The following MAP3K1 variants were observed in gnomAD, a reference collection of about 807,000 sequenced individuals.
MAP3K1 encodes mitogen-activated protein kinase kinase kinase 1.
Under a neutral mutation model 144.2 loss-of-function variants are expected in MAP3K1, and 36 were observed. The ratio of observed to expected loss-of-function variants is 0.25; its 90% CI spans 0.19 to 0.33. The LOEUF is 0.33. Among genes scored for constraint, MAP3K1 ranks in the 10% least tolerant of loss-of-function variants. The probability of loss-of-function intolerance (pLI) is 1.00; values close to 1 mark genes in which losing one functional copy is unlikely to be tolerated. For synonymous variants in MAP3K1, 718 were observed against 688.7 expected (o/e 1.04, Z -0.67); for missense variants, 1,650 against 1,881.9 (o/e 0.88, Z 2.28).
chr5:56,840,428 A>G (rs922778111), intron 1 of MAP3K1, among the ~76,000 whole-genome samples: 1 of 152,144 alleles, frequency 6.6e-6, no homozygotes, highest in Non-Finnish European at 1.5e-5. Flanking sequence ...GATTACAGGC[A>G]TGAGCCACTG....
intron 1 of MAP3K1, among the ~76,000 whole-genome samples, chr5:56,817,987 T>C (rs1746031251): frequency 6.6e-6 from 1 of 152,214 alleles, no homozygotes; most frequent in African/African-American, 2.4e-5. Context: ...TTGCTTAAGG[T>C]GTAGATTATA....
At chr5:56,840,250 C>A (rs1183246477) in intron 1 of MAP3K1, among the ~76,000 whole-genome samples, 1 of 152,182 alleles carries the variant, frequency 6.6e-6, no homozygotes, top group Non-Finnish European at 1.5e-5. Context: ...CAAGTTCAAA[C>A]GATTCTCCTG....
chr5:56,837,428 C>CA (rs1348034221), intron 1 of MAP3K1, among the ~76,000 whole-genome samples: 1 of 151,990 alleles, frequency 6.6e-6, no homozygotes, highest in African/African-American at 2.4e-5. Flanking sequence ...TCATTTTTCC[C>CA]AAGAGTGGTG....
At chr5:56,865,000 C>A in intron 4 of MAP3K1, 66 bp downstream of exon 4, 1 of 1,360,304 alleles carries the variant, frequency 7.4e-7, no homozygotes, top group Non-Finnish European at 1.0e-6. Context: ...AATTTATATA[C>A]TATAATGTTC....
In MAP3K1 at chr5:56,893,702, A is replaced by T; in HGVS notation, c.*22A>T. 1 of 1,613,148 alleles carries T rather than the reference A, an allele frequency of 6.2e-7. No homozygotes were observed. The highest frequency in any genetic ancestry group is 8.5e-7 in the Non-Finnish European group (1 of 1,179,390). ...GTAGCCAATTATGCAGATCAACTAC[A>T]GTAGAAACAGGATGCTCAACAAGAG... is the stretch of plus-strand genomic sequence containing the variant. On this transcript the variant is annotated 3_prime_UTR_variant, in exon 20 of 20. Transcript: ENST00000399503.
chr5:56,819,448 AC>A lies in MAP3K1; in HGVS notation c.482+3395del, dbSNP rs559230125. 2.6e-3 allele frequency among the ~76,000 whole-genome samples: 379 copies of A among 148,514 alleles called. 3 individuals carry two copies. Among genetic ancestry groups the A allele is most frequent in the African/African-American group, 9.1e-3 (369 of 40,458 alleles). On this transcript the variant is annotated intron_variant, in intron 1 of 19. Coordinates refer to ENST00000399503, the MANE Select transcript of MAP3K1 (RefSeq NM_005921.2). ...TGCTTTCAACAAGAGCAAAAAAAAAACCAGCTACAGCTTGCCTAGGCTGAGT... is the reference window on the plus strand; with the variant it reads ...TGCTTTCAACAAGAGCAAAAAAAAAACAGCTACAGCTTGCCTAGGCTGAGT...
intron 1 of MAP3K1, among the ~76,000 whole-genome samples, chr5:56,844,197 T>TTG (rs1561174148): frequency 1.4e-5 from 2 of 138,420 alleles, no homozygotes; most frequent in Non-Finnish European, 3.1e-5. Flanking sequence ...TTTTTTTTTT[T>TTG]TTTTTTTTTT....
intron 19 of MAP3K1, among the ~76,000 whole-genome samples, chr5:56,891,163 A>C (rs867023188): frequency 4.4e-4 from 62 of 140,500 alleles, no homozygotes; most frequent in African/African-American, 1.5e-3. Flanking sequence ...CCCCCCCCAC[A>C]CACACACACA....
At chr5:56,879,843 G>A (rs1748153287) in intron 11 of MAP3K1, among the ~76,000 whole-genome samples, 1 of 152,160 alleles carries the variant, frequency 6.6e-6, no homozygotes, top group Non-Finnish European at 1.5e-5. Context: ...ATCTTGGTTA[G>A]CAAGAAGTGT....
At chr5:56,874,377 A>G (rs1245850878) in intron 9 of MAP3K1, among the ~76,000 whole-genome samples, 1 of 152,184 alleles carries the variant, frequency 6.6e-6, no homozygotes, top group Non-Finnish European at 1.5e-5. Flanking sequence ...ATTGACGACG[A>G]TAACAGCATA....
intron 1 of MAP3K1, among the ~76,000 whole-genome samples, chr5:56,844,194 T>G (rs1318603445): frequency 7.3e-6 from 1 of 136,266 alleles, no homozygotes; most frequent in Non-Finnish European, 1.6e-5. Context: ...TTTTTTTTTT[T>G]TTTTTTTTTT....
At chr5:56,853,471 C>G (rs1029967330) in intron 1 of MAP3K1, among the ~76,000 whole-genome samples, 1 of 152,106 alleles carries the variant, frequency 6.6e-6, no homozygotes, top group African/African-American at 2.4e-5. Context: ...AGTGATCATT[C>G]ACTTAATATA....
Position 56,857,235 on chromosome 5 carries a change from G to T in MAP3K1, c.633+485G>T, listed in dbSNP as rs377379777. ...TCCAACTTTGTTACAGTGTCAGCAT[G>T]TTATCCTCATTTGACATGAAAAAAT... is the stretch of plus-strand genomic sequence containing the variant. On this transcript the variant is annotated intron_variant, in intron 2 of 19. Coordinates refer to ENST00000399503, the MANE Select transcript of MAP3K1 (RefSeq NM_005921.2). Among the ~76,000 whole-genome samples, 32 of 152,198 alleles carry T rather than the reference G, an allele frequency of 2.1e-4. No homozygotes were observed. The East Asian group carries it at 2.7e-3, about 13-fold the overall frequency.
At chr5:56,890,710 A>G (rs535179732) in intron 19 of MAP3K1, among the ~76,000 whole-genome samples, 49 of 152,262 alleles carry the variant, frequency 3.2e-4, no homozygotes, top group African/African-American at 1.1e-3. Context: ...TTGATTTACA[A>G]AGTGCTACAA....
In MAP3K1 at chr5:56,882,399, C is replaced by G; in HGVS notation, c.3199C>G (p.Pro1067Ala). ...CAGGCCAAAGCCATCTAGACCTACC[C>G]CAGGTAATACAAGTAAACAGGGAGA... ...IHRPKPSRPTPGNTSKQGDPS... is the reference protein window; with the variant it reads ...IHRPKPSRPTAGNTSKQGDPS... The change falls in exon 14 of 20, where the codon CCA (proline) becomes GCA (alanine). Residue 1067 changes from proline (P) to alanine (A), a missense_variant. Physicochemically the swap from Pro to Ala is conservative, Grantham distance 27. Around this residue, in one of 6 missense-constraint regions of MAP3K1, gnomAD observed 841 missense variants for 886.5 expected, o/e 0.95. Coordinates refer to ENST00000399503, the MANE Select transcript of MAP3K1 (RefSeq NM_005921.2). 1.2e-6 allele frequency: 2 copies of G among 1,614,064 alleles called. No individual in the cohort carries two copies. Among genetic ancestry groups the G allele is most frequent in the Non-Finnish European group, 1.7e-6 (2 of 1,179,952 alleles).
chr5:56,817,694 A>G (rs142410978), intron 1 of MAP3K1, among the ~76,000 whole-genome samples: 20 of 152,356 alleles, frequency 1.3e-4, no homozygotes, highest in African/African-American at 4.3e-4. Context: ...TCTACTTTAA[A>G]TGAATTCCAG....
intron 6 of MAP3K1, among the ~76,000 whole-genome samples, chr5:56,866,509 G>A (rs1747679193): frequency 6.6e-6 from 1 of 152,104 alleles, no homozygotes; most frequent in African/African-American, 2.4e-5. Context: ...AAAAACTACA[G>A]CATTCATGTG....
intron 3 of MAP3K1, 58 bp downstream of exon 3, chr5:56,859,973 CAAAG>C (rs2111875054): frequency 2.2e-6 from 3 of 1,387,914 alleles, no homozygotes; most frequent in Middle Eastern, 2.1e-4. Context: ...TCATTTATAA[CAAAG>C]AAAAGACTGG....
chr5:56,817,032 C>T (rs958645797), intron 1 of MAP3K1: 6 of 984,512 alleles, frequency 6.1e-6, no homozygotes, highest in Admixed American at 6.1e-5. Flanking sequence ...TGGCGCGGGC[C>T]GCCCGCTGAA....
Sources: gnomAD v4.1 joint callset for allele counts (sites outside exome capture counted in the v4.1 genomes callset) on GRCh38, gnomAD v4.1.1 for gene constraint, gnomAD v4.1.1 regional missense constraint, MANE v1.5 for transcripts, NCBI Gene and HGNC (gene_info 2026-07-23, HGNC 2026-07-21) for gene names.